TLL1: variants seen among roughly 807,000 people sequenced by gnomAD.
TLL1 encodes the protein tolloid-like protein 1.
TLL1 carries 49 observed loss-of-function variants against 128.2 expected under a neutral mutation model. That is an observed-to-expected ratio of 0.38 (90% CI 0.30 to 0.48). The LOEUF (loss-of-function observed/expected upper bound fraction) is 0.48. TLL1 is among the 20% of genes least tolerant of loss of function. The pLI is 0.96. For missense variants in TLL1, 1,123 were observed against 1,242.0 expected, an observed-to-expected ratio of 0.90 and a Z score of 1.44; for synonymous variants, 454 against 418.8, an observed-to-expected ratio of 1.08 and a Z score of -1.03.
intron 1 of TLL1, among the ~76,000 whole-genome samples, chr4:165,987,257 T>C (rs60200779): frequency 0.071 from 10,729 of 152,152 alleles, 992 homozygotes; most frequent in African/African-American, 0.21. Context: ...AAGTTTCATA[T>C]AACTAGTCAA....
intron 15 of TLL1, among the ~76,000 whole-genome samples, chr4:166,061,246 T>A (rs1296820390): frequency 1.9e-5 from 1 of 52,234 alleles, no homozygotes. Context: ...TCCTTTTTTT[T>A]TTTTCTTTTT....
chr4:165,971,656 C>A (rs1041696808), intron 1 of TLL1, among the ~76,000 whole-genome samples: 1 of 152,128 alleles, frequency 6.6e-6, no homozygotes, highest in African/African-American at 2.4e-5. Flanking sequence ...TTTCTCAGTG[C>A]GTCACTGGGA....
chr4:166,100,767 G>A lies in TLL1; in HGVS notation c.2933G>A (p.Gly978Glu). 1.2e-6 allele frequency: 2 copies of A among 1,612,972 alleles called. No individual in the cohort carries two copies. Among genetic ancestry groups the A allele is most frequent in the East Asian group, 2.2e-5 (1 of 44,758 alleles). The change falls in exon 21 of 21, where the codon GGA becomes GAA. Residue 978 changes from glycine (G) to glutamate (E), a missense_variant. Gly to Glu is a moderately conservative substitution (Grantham distance 98). Coordinates refer to ENST00000061240, the MANE Select transcript of TLL1 (RefSeq NM_012464.5). Reference protein sequence around the residue: ...SGPPEEIYSIGDSVLIHFHTD... With the variant: ...SGPPEEIYSIEDSVLIHFHTD... Reference sequence around the variant, plus strand: ...CCACCAGAAGAGATTTATTCAATTGGAGATTCAGTTTTAATTCATTTCCAC... The same window carrying A: ...CCACCAGAAGAGATTTATTCAATTGAAGATTCAGTTTTAATTCATTTCCAC...
chr4:165,993,279 G>A (rs546227803), intron 3 of TLL1, among the ~76,000 whole-genome samples: 10 of 151,654 alleles, frequency 6.6e-5, no homozygotes, highest in South Asian at 2.1e-4. Flanking sequence ...ACTTATTACC[G>A]GATTTAAAAA....
At chr4:166,059,449 A>T (rs1740187315) in intron 14 of TLL1, among the ~76,000 whole-genome samples, 1 of 152,132 alleles carries the variant, frequency 6.6e-6, no homozygotes, top group Non-Finnish European at 1.5e-5. Context: ...TCAGTATTTA[A>T]ATTGGACTTT....
chr4:166,014,666 C>T lies in TLL1; in HGVS notation c.1042+106C>T. The T allele has an allele frequency of 2.0e-6, 3 of 1,533,332 alleles. No individual in the cohort carries two copies. The South Asian group carries it at 3.4e-5, about 17-fold the overall frequency. The allele number at this position is 1,533,332 out of a possible 1,614,324, so 95.0% of individuals were successfully genotyped here. A position where few individuals can be genotyped will look rare whatever the true frequency, so the allele number is the denominator to read the frequency against. ...GTTTGTTTGTCTCCCTCCCTGTTGG[C>T]AAGTGACGTGTACAGTTCAAAGTCA... On this transcript the variant is annotated intron_variant, in intron 8 of 20. Coordinates refer to ENST00000061240, the MANE Select transcript of TLL1 (RefSeq NM_012464.5).
At chr4:165,891,101 C>T (rs1278312496) in intron 1 of TLL1, among the ~76,000 whole-genome samples, 4 of 152,256 alleles carry the variant, frequency 2.6e-5, no homozygotes, top group South Asian at 2.1e-4. Context: ...TCCCTTTTAG[C>T]CACGGTTCAG....
At chr4:166,053,387 T>C (rs1036837125) in intron 12 of TLL1, 3 of 152,118 alleles carry the variant, frequency 2.0e-5, no homozygotes, top group African/African-American at 7.2e-5. Flanking sequence ...TTTATTTTGT[T>C]TATTGTTGCT....
chr4:165,972,769 T>C (rs1361138830), intron 1 of TLL1, among the ~76,000 whole-genome samples: 5 of 152,200 alleles, frequency 3.3e-5, no homozygotes, highest in African/African-American at 7.2e-5. Flanking sequence ...ATCATGTCCA[T>C]TGTGGTCAGT....
At chr4:165,929,896 A>G (rs1733439508) in intron 1 of TLL1, among the ~76,000 whole-genome samples, 1 of 152,192 alleles carries the variant, frequency 6.6e-6, no homozygotes, top group South Asian at 2.1e-4. Context: ...TCCACTCTTG[A>G]TATCAGCTCA....
Position 166,077,952 on chromosome 4 carries a change from C to T in TLL1, c.2364C>T (p.Pro788=). ...GTCCAAGTGGCCTCATCACCAGTCC[C>T]AACTGGCCAGACAAGTACCCAAGCA... ...IHSPSGLITS[P]NWPDKYPSRK... Residue 788 remains proline (P), a synonymous_variant, in exon 18 of 21, where the codon CCC becomes CCT. Transcript: ENST00000061240. 1 of 1,613,650 alleles carries T rather than the reference C, an allele frequency of 6.2e-7. No individual in the cohort carries two copies.
intron 1 of TLL1, among the ~76,000 whole-genome samples, chr4:165,901,955 A>C (rs1732012226): frequency 2.6e-5 from 4 of 152,118 alleles, no homozygotes; most frequent in African/African-American, 9.7e-5. Flanking sequence ...GAGAGGAGGA[A>C]TCTAGAGAGG....
At chr4:165,954,271 C>T (rs1220038487) in intron 1 of TLL1, among the ~76,000 whole-genome samples, 1 of 151,838 alleles carries the variant, frequency 6.6e-6, no homozygotes, top group Non-Finnish European at 1.5e-5. Flanking sequence ...TCTGAAATAC[C>T]CAGAACACAT....
chr4:165,974,085 G>A (rs1735755298), intron 1 of TLL1, among the ~76,000 whole-genome samples: 1 of 146,194 alleles, frequency 6.8e-6, no homozygotes, highest in Non-Finnish European at 1.5e-5. Flanking sequence ...CTGAGATCAA[G>A]AGGCCAACTG....
At chr4:166,052,965 G>GTGTGTATATATATATATA in intron 12 of TLL1, among the ~76,000 whole-genome samples, 10 of 99,640 alleles carry the variant, frequency 1.0e-4, no homozygotes, top group East Asian at 3.1e-4. Flanking sequence ...GAGGTTATGT[G>GTGTGTATATATATATATA]TATATATATA....
chr4:166,034,178 A>G (rs1461198653), intron 9 of TLL1, among the ~76,000 whole-genome samples: 3 of 152,188 alleles, frequency 2.0e-5, no homozygotes, highest in East Asian at 3.8e-4. Context: ...AAATAACTGA[A>G]AAAAGAAAAT....
At chr4:166,032,865 T>C (rs1738835715) in intron 9 of TLL1, among the ~76,000 whole-genome samples, 1 of 152,122 alleles carries the variant, frequency 6.6e-6, no homozygotes, top group Non-Finnish European at 1.5e-5. Context: ...ATTGGGTCAT[T>C]CATATGTAAA....
chr4:166,037,672 G>A (rs546257604), intron 9 of TLL1, among the ~76,000 whole-genome samples: 1 of 151,988 alleles, frequency 6.6e-6, no homozygotes, highest in Non-Finnish European at 1.5e-5. Flanking sequence ...GCTGGACGTG[G>A]TGGCGGGCAC....
chr4:165,992,725 A>G, intron 2 of TLL1, 79 bp from the exon 3 acceptor site: 1 of 1,270,462 alleles, frequency 7.9e-7, no homozygotes, highest in African/African-American at 1.5e-5. Context: ...AAGAGAAATC[A>G]TTGTTGCCTA....
Sources: allele counts gnomAD v4.1 joint callset (sites outside exome capture counted in the v4.1 genomes callset), GRCh38; gene constraint gnomAD v4.1.1; transcripts MANE v1.5; gene names NCBI Gene and HGNC (gene_info 2026-07-23, HGNC 2026-07-21).